Variants in FAM185A observed in about 807,000 individuals in gnomAD.
FAM185A encodes family with sequence similarity 185 member A.
Under a neutral mutation model 45.7 loss-of-function variants are expected in FAM185A, and 21 were observed. That is an observed-to-expected ratio of 0.46 (90% CI 0.33 to 0.66). The LOEUF is 0.66. Among genes scored for constraint, FAM185A ranks in the 30% least tolerant of loss-of-function variants. FAM185A has a pLI of 0.03. For missense variants in FAM185A, 305 were observed against 485.4 expected (o/e 0.63, Z 3.49); for synonymous variants, 117 against 194.0 (o/e 0.60, Z 3.30).
intron 2 of FAM185A, among the ~76,000 whole-genome samples, chr7:102,752,009 T>G (rs1481415078): frequency 1.3e-5 from 2 of 151,966 alleles, no homozygotes; most frequent in Admixed American, 6.5e-5. Context: ...GCCTCAAATT[T>G]CTTTTGGATT....
intron 5 of FAM185A, among the ~76,000 whole-genome samples, chr7:102,776,542 G>A (rs969938220): frequency 6.6e-6 from 1 of 151,814 alleles, no homozygotes; most frequent in African/African-American, 2.4e-5. Context: ...AGAACTATTA[G>A]ATATAAACAA....
At chr7:102,826,647 C>T in the FAM185A span, among the ~76,000 whole-genome samples, 1 of 144,362 alleles carries the variant, frequency 6.9e-6, no homozygotes, top group Non-Finnish European at 1.5e-5. Flanking sequence ...ATCACTTGAG[C>T]CTGGGAGGTT....
At chr7:102,811,169 G>A (rs766082657), downstream of FAM185A, among the ~76,000 whole-genome samples, 28 of 152,046 alleles carry the variant, frequency 1.8e-4, no homozygotes, top group Admixed American at 1.2e-3. Context: ...AAATAAATTA[G>A]CTAACCACAG....
chr7:102,785,474 A>G (rs1397703892), intron 6 of FAM185A, among the ~76,000 whole-genome samples: 3 of 152,162 alleles, frequency 2.0e-5, no homozygotes, highest in African/African-American at 7.2e-5. Flanking sequence ...ACTGGTACCA[A>G]AACAGAGATA....
chr7:102,834,878 ATGTGTG>A, the FAM185A span, among the ~76,000 whole-genome samples: 18,455 of 147,052 alleles, frequency 0.13, 1,281 homozygotes, highest in East Asian at 0.31. Flanking sequence ...CCATTCCACA[ATGTGTG>A]TGTGTGTGTG....
At chr7:102,784,419 A>C (rs1795638703) in intron 6 of FAM185A, among the ~76,000 whole-genome samples, 1 of 152,196 alleles carries the variant, frequency 6.6e-6, no homozygotes, top group Non-Finnish European at 1.5e-5. Flanking sequence ...ATGAACATCG[A>C]TGCAAAAATC....
chr7:102,835,609 T>TG, the FAM185A span, among the ~76,000 whole-genome samples: 2 of 90,196 alleles, frequency 2.2e-5, no homozygotes, highest in Non-Finnish European at 4.9e-5. Context: ...CATTGTTTTT[T>TG]TTTTTTTTTT....
chr7:102,816,090 C>A, the FAM185A span: 1 of 152,138 alleles, frequency 6.6e-6, no homozygotes, highest in African/African-American at 2.4e-5. Flanking sequence ...TTCCTTAGTC[C>A]CTGTCCCCCT....
chr7:102,764,958 T>C (rs1464173647), intron 4 of FAM185A, among the ~76,000 whole-genome samples: 3 of 152,284 alleles, frequency 2.0e-5, no homozygotes, highest in Admixed American at 6.5e-5. Context: ...GGGTGGGTGG[T>C]TGAAAGCAAA....
chr7:102,810,431 C>G (rs1036475155), downstream of FAM185A, among the ~76,000 whole-genome samples: 1 of 152,222 alleles, frequency 6.6e-6, no homozygotes, highest in South Asian at 2.1e-4. Context: ...TGGGTTTCAC[C>G]ATGTTGGCCA....
chr7:102,784,344 A>G (rs1468329036), intron 6 of FAM185A, among the ~76,000 whole-genome samples: 1 of 151,962 alleles, frequency 6.6e-6, no homozygotes, highest in East Asian at 1.9e-4. Flanking sequence ...TGAGGCCAGC[A>G]TCATCCTGAT....
intron 5 of FAM185A, 33 bp from the exon 6 acceptor site, chr7:102,777,220 A>T: frequency 6.5e-7 from 1 of 1,549,602 alleles, no homozygotes; most frequent in Non-Finnish European, 8.7e-7. Context: ...TCAAGTAAGA[A>T]TTATTTTACT....
intron 7 of FAM185A, among the ~76,000 whole-genome samples, chr7:102,806,785 C>T (rs1797140048): frequency 6.6e-6 from 1 of 152,148 alleles, no homozygotes. Flanking sequence ...CAGCCTATGA[C>T]CTTGAAAGAG....
the FAM185A span, among the ~76,000 whole-genome samples, chr7:102,837,942 T>C: frequency 6.6e-6 from 1 of 152,262 alleles, no homozygotes; most frequent in East Asian, 1.9e-4. Flanking sequence ...GTCTAATTTA[T>C]CTTTGCCAAC....
intron 7 of FAM185A, 141 bp from the exon 8 acceptor site, chr7:102,808,147 CTT>C (rs1797245268): frequency 3.2e-6 from 2 of 622,492 alleles, no homozygotes; most frequent in African/African-American, 3.7e-5. Context: ...CAGATAACCT[CTT>C]TGCAACTCCT....
At chr7:102,777,394 G>A in intron 6 of FAM185A, 46 bp downstream of exon 6, 3 of 1,295,458 alleles carry the variant, frequency 2.3e-6, no homozygotes, top group Non-Finnish European at 3.2e-6. Context: ...TGTAAGGAAG[G>A]TTTATGTAAC....
At chr7:102,783,618 A>T (rs1416067612) in intron 6 of FAM185A, among the ~76,000 whole-genome samples, 1 of 152,144 alleles carries the variant, frequency 6.6e-6, no homozygotes, top group Non-Finnish European at 1.5e-5. Context: ...CAAAGACACA[A>T]CATACCAGAA....
intron 7 of FAM185A, among the ~76,000 whole-genome samples, chr7:102,791,113 G>A (rs1375293855): frequency 5.3e-5 from 8 of 152,156 alleles, no homozygotes; most frequent in Non-Finnish European, 8.8e-5. Context: ...CATAAAAGTA[G>A]GCTGGAGAGT....
the FAM185A span, among the ~76,000 whole-genome samples, chr7:102,849,173 G>A: frequency 6.6e-6 from 1 of 152,134 alleles, no homozygotes; most frequent in East Asian, 1.9e-4. Context: ...TCAAGAAAAC[G>A]ATTTCTTAAG....
Sources: allele counts gnomAD v4.1 joint callset (sites outside exome capture counted in the v4.1 genomes callset), GRCh38; gene constraint gnomAD v4.1.1; transcripts MANE v1.5; gene names NCBI Gene and HGNC (gene_info 2026-07-23, HGNC 2026-07-21).